Variants in SFRP1 observed in about 807,000 individuals in gnomAD.
The protein encoded by SFRP1 is secreted frizzled related protein 1.
A neutral mutation model predicts 25.9 loss-of-function variants in SFRP1; 9 were observed. The observed-to-expected ratio is 0.35, with a 90% CI of 0.21 to 0.61. The LOEUF (loss-of-function observed/expected upper bound fraction) is 0.61, where lower values mean the gene tolerates loss of function less well. Among genes scored for constraint, SFRP1 ranks in the 20% least tolerant of loss-of-function variants. The pLI, the probability that SFRP1 is intolerant of heterozygous loss-of-function variation, is 0.78. For synonymous variants in SFRP1, 178 were observed against 174.0 expected, an observed-to-expected ratio of 1.02 and a Z score of -0.18; for missense variants, 346 against 418.2, an observed-to-expected ratio of 0.83 and a Z score of 1.51.
At chr8:41,287,748 TG>T (rs1803723319) in intron 2 of SFRP1, among the ~76,000 whole-genome samples, 1 of 152,218 alleles carries the variant, frequency 6.6e-6, no homozygotes, top group Non-Finnish European at 1.5e-5. Context: ...GGCTTCAATT[TG>T]GTATATCTAT....
At chr8:41,300,681 G>T (rs1030221670) in intron 2 of SFRP1, among the ~76,000 whole-genome samples, 3 of 152,222 alleles carry the variant, frequency 2.0e-5, no homozygotes, top group Non-Finnish European at 4.4e-5. Context: ...AGGATGATTA[G>T]TGTGGCGGCT....
chr8:41,301,898 T>G (rs915385983), intron 2 of SFRP1, among the ~76,000 whole-genome samples: 1 of 152,196 alleles, frequency 6.6e-6, no homozygotes, highest in Non-Finnish European at 1.5e-5. Flanking sequence ...GGGAAGAAGA[T>G]GTCCATCCCA....
At chr8:41,278,507 G>T (rs4379434) in intron 2 of SFRP1, among the ~76,000 whole-genome samples, 77,262 of 152,112 alleles carry the variant, frequency 0.51, 20,780 homozygotes, top group African/African-American at 0.7. Flanking sequence ...GCAATGGTGA[G>T]CTACATCTGC....
chr8:41,268,985 T>C (rs1803469939), intron 2 of SFRP1, among the ~76,000 whole-genome samples: 1 of 152,222 alleles, frequency 6.6e-6, no homozygotes, highest in African/African-American at 2.4e-5. Flanking sequence ...TGGGTTCTTC[T>C]CTGAGTCTCA....
Position 41,308,792 on chromosome 8 carries a change from T to C in SFRP1, c.368A>G (p.Asp123Gly). Residue 123 changes from aspartate to glycine, a missense_variant, in exon 1 of 3, where the codon GAC becomes GGC. Physicochemically the swap from Asp to Gly is moderately conservative, Grantham distance 94. Transcript: ENST00000220772. ...CCAGCGACACGGGTAGATGGGCCGG[T>C]CCAGGCAGACGGGCGCGAAGAGCGA... ...LCSLFAPVCLDRPIYPCRWLC... is the reference protein window; with the variant it reads ...LCSLFAPVCLGRPIYPCRWLC... 1 of 1,611,146 alleles carries C rather than the reference T, an allele frequency of 6.2e-7. No homozygotes were observed. The highest frequency in any genetic ancestry group is 8.5e-7 in the Non-Finnish European group (1 of 1,179,182).
At chr8:41,282,333 T>C (rs1214743789) in intron 2 of SFRP1, among the ~76,000 whole-genome samples, 2 of 152,176 alleles carry the variant, frequency 1.3e-5, no homozygotes, top group Admixed American at 6.5e-5. Flanking sequence ...CTGGGCAACA[T>C]AGCAAGACTC....
chr8:41,290,089 C>T (rs1803756862), intron 2 of SFRP1, among the ~76,000 whole-genome samples: 1 of 152,236 alleles, frequency 6.6e-6, no homozygotes, highest in Admixed American at 6.5e-5. Context: ...ACACACTACC[C>T]ACATCTGTCT....
intron 2 of SFRP1, among the ~76,000 whole-genome samples, chr8:41,274,325 C>T (rs1334155484): frequency 2.0e-5 from 3 of 152,144 alleles, no homozygotes; most frequent in Non-Finnish European, 4.4e-5. Flanking sequence ...TGCCAGAAAG[C>T]TTGGGGCTGA....
At chr8:41,276,307 C>T (rs1803571777) in intron 2 of SFRP1, among the ~76,000 whole-genome samples, 1 of 152,206 alleles carries the variant, frequency 6.6e-6, no homozygotes, top group South Asian at 2.1e-4. Flanking sequence ...TCCAATTGTG[C>T]AAATGAGATT....
At chr8:41,303,921 A>C (rs957545047) in intron 1 of SFRP1, among the ~76,000 whole-genome samples, 4 of 152,092 alleles carry the variant, frequency 2.6e-5, no homozygotes, top group Admixed American at 2.6e-4. Context: ...TCTCCTTTCA[A>C]TACCATCCTC....
At chr8:41,296,506 G>GAAA (rs33933653) in intron 2 of SFRP1, among the ~76,000 whole-genome samples, 1 of 125,504 alleles carries the variant, frequency 8.0e-6, no homozygotes. Flanking sequence ...TGTTCTTCTG[G>GAAA]AAAAAAAAAA....
intron 2 of SFRP1, among the ~76,000 whole-genome samples, chr8:41,300,729 G>A (rs1283480135): frequency 6.6e-6 from 1 of 152,174 alleles, no homozygotes; most frequent in Admixed American, 6.5e-5. Flanking sequence ...AGGCGAGAGT[G>A]GCACCCTGTT....
At chr8:41,292,955 GAACA>G (rs1250067306) in intron 2 of SFRP1, among the ~76,000 whole-genome samples, 1 of 152,192 alleles carries the variant, frequency 6.6e-6, no homozygotes, top group Non-Finnish European at 1.5e-5. Flanking sequence ...CTACATCTCA[GAACA>G]AAGGTCGAGA....
At chr8:41,274,236 C>A (rs1244184921) in intron 2 of SFRP1, among the ~76,000 whole-genome samples, 1 of 152,144 alleles carries the variant, frequency 6.6e-6, no homozygotes, top group Non-Finnish European at 1.5e-5. Flanking sequence ...AGAACCCTGT[C>A]TAACAAAAAA....
In SFRP1 at chr8:41,308,703, C is replaced by A. The variant is rs985557782; in HGVS notation, c.457G>T (p.Glu153Ter). 3.1e-6 allele frequency: 5 copies of A among 1,610,966 alleles called. No individual in the cohort carries two copies. The highest frequency in any genetic ancestry group is 4.2e-6 in the Non-Finnish European group (5 of 1,178,622). The change falls in exon 1 of 3, where the codon GAG becomes TAG. Residue 153 changes from glutamate (E) to a stop codon, truncating the protein, a stop_gained. Coordinates refer to ENST00000220772, the MANE Select transcript of SFRP1 (RefSeq NM_003012.5). LOFTEE classifies it high-confidence loss of function. ...GGGAACTTGTCACACTTAAGCATCT[C>A]GGGCCAGTAGAAGCCGAAGAACTGC... Reference protein sequence around the residue: ...VMQFFGFYWPEMLKCDKFPEG... With the variant: ...VMQFFGFYWP
At chr8:41,274,014 C>T (rs1803542759) in intron 2 of SFRP1, among the ~76,000 whole-genome samples, 1 of 152,224 alleles carries the variant, frequency 6.6e-6, no homozygotes, top group South Asian at 2.1e-4. Flanking sequence ...GCACATCAGA[C>T]TCCATGTTTT....
intron 2 of SFRP1, among the ~76,000 whole-genome samples, chr8:41,296,292 G>T (rs1803842959): frequency 6.6e-6 from 1 of 152,186 alleles, no homozygotes; most frequent in African/African-American, 2.4e-5. Context: ...GGAAATCTTA[G>T]TCTGAACAGG....
At chr8:41,296,158 C>T (rs1003488734) in intron 2 of SFRP1, among the ~76,000 whole-genome samples, 4 of 152,200 alleles carry the variant, frequency 2.6e-5, no homozygotes, top group African/African-American at 7.2e-5. Context: ...AGTGACAGCA[C>T]TAGTGGCAGG....
At chr8:41,277,352 C>G (rs964892173) in intron 2 of SFRP1, among the ~76,000 whole-genome samples, 1 of 152,240 alleles carries the variant, frequency 6.6e-6, no homozygotes, top group African/African-American at 2.4e-5. Context: ...ACAGCTTTTC[C>G]TACCATGGGG....
Sources: gnomAD v4.1 joint callset for allele counts (sites outside exome capture counted in the v4.1 genomes callset) on GRCh38, gnomAD v4.1.1 for gene constraint, MANE v1.5 for transcripts, NCBI Gene and HGNC (gene_info 2026-07-23, HGNC 2026-07-21) for gene names.